The following ESRRG variants were observed in gnomAD, a reference collection of about 807,000 sequenced individuals.
The protein encoded by ESRRG is estrogen-related receptor gamma.
ESRRG carries 13 observed loss-of-function variants against 44.0 expected under a neutral mutation model. The ratio of observed to expected loss-of-function variants is 0.30; its 90% CI spans 0.19 to 0.47. ESRRG has a LOEUF of 0.47. ESRRG is among the 20% of genes least tolerant of loss of function. The pLI, the probability that ESRRG is intolerant of heterozygous loss-of-function variation, is 1.00. For missense variants in ESRRG, 395 were observed against 580.6 expected (o/e 0.68, Z 3.29); for synonymous variants, 215 against 214.6 (o/e 1.00, Z -0.02).
At chr1:216,846,751 C>T (rs1382714065) in intron 2 of ESRRG, among the ~76,000 whole-genome samples, 5 of 152,018 alleles carry the variant, frequency 3.3e-5, no homozygotes, top group Non-Finnish European at 7.4e-5. Context: ...ATTTAGTTAA[C>T]TTAGAGGAAT....
At chr1:216,931,817 C>T (rs1287178627) in intron 2 of ESRRG, among the ~76,000 whole-genome samples, 1 of 113,440 alleles carries the variant, frequency 8.8e-6, no homozygotes, top group Admixed American at 9.7e-5. Context: ...CTAATCAAGA[C>T]AGAAAAATGA....
chr1:216,538,147 T>G lies in ESRRG; in HGVS notation c.863-18726A>C, dbSNP rs566261774. 5.9e-5 allele frequency among the ~76,000 whole-genome samples: 9 copies of G among 152,204 alleles called. No homozygotes were observed. In the South Asian group the frequency reaches 1.0e-3, roughly 18 times the overall value. On this transcript the variant is annotated intron_variant, in intron 5 of 6. Coordinates refer to ENST00000408911, the MANE Select transcript of ESRRG (RefSeq NM_001438.4). ...TACTACTTGGCCCTATTTCTATTAC[T>G]GCATTGTGTCGACACTACTAAAGTC... is the stretch of plus-strand genomic sequence containing the variant.
intron 3 of ESRRG, among the ~76,000 whole-genome samples, chr1:216,597,052 T>TAA (rs1425298664): frequency 6.6e-6 from 1 of 152,146 alleles, no homozygotes; most frequent in Non-Finnish European, 1.5e-5. Flanking sequence ...ATAATAATAA[T>TAA]AACAATAATA....
rs553916295 is a variant in ESRRG, at chr1:216,775,826, A to G, written c.-13-98335T>C. ...GTAATCCGCCTTTCTTGGCCTCCCA[A>G]AGTGCTGGGGTTACAGATGTCAGCT... is the stretch of plus-strand genomic sequence containing the variant. On this transcript the variant is annotated intron_variant, in intron 2 of 7. Coordinates refer to the ESRRG transcript ENST00000359162. Among the ~76,000 whole-genome samples the G allele has an allele frequency of 7.4e-4, 113 of 151,724 alleles. 2 individuals are homozygous for G. The South Asian group carries it at 7.9e-3, about 11-fold the overall frequency.
At chr1:216,898,604 C>A (rs1056545230) in intron 2 of ESRRG, among the ~76,000 whole-genome samples, 6 of 151,976 alleles carry the variant, frequency 3.9e-5, no homozygotes, top group African/African-American at 9.7e-5. Context: ...GGCGACAAAG[C>A]GAGACTCTGT....
At chr1:217,058,549 T>C (rs932143863) in intron 1 of ESRRG, among the ~76,000 whole-genome samples, 1 of 152,158 alleles carries the variant, frequency 6.6e-6, no homozygotes, top group Admixed American at 6.6e-5. Context: ...GACGTCTCTA[T>C]GCTCTGACAA....
At chr1:216,651,915 A>G (rs746126444) in intron 2 of ESRRG, among the ~76,000 whole-genome samples, 2 of 152,068 alleles carry the variant, frequency 1.3e-5, no homozygotes, top group African/African-American at 4.8e-5. Context: ...TTTTTTTTCA[A>G]TTAGTACCAA....
chr1:216,821,683 T>A (rs1158711937), intron 2 of ESRRG, among the ~76,000 whole-genome samples: 2 of 63,752 alleles, frequency 3.1e-5, no homozygotes, highest in Non-Finnish European at 7.1e-5. Context: ...AGAACCTGCC[T>A]CAGGAAAAAT....
intron 1 of ESRRG, among the ~76,000 whole-genome samples, chr1:217,106,147 C>A (rs555186311): frequency 9.5e-4 from 145 of 152,284 alleles, no homozygotes; most frequent in Middle Eastern, 3.4e-3. Flanking sequence ...AGGTTGATGT[C>A]TTTAAATGCA....
intron 1 of ESRRG, among the ~76,000 whole-genome samples, chr1:217,029,852 G>T (rs1180828363): frequency 6.6e-6 from 1 of 152,166 alleles, no homozygotes; most frequent in Non-Finnish European, 1.5e-5. Context: ...AAAAAGAAAG[G>T]AATGGCTAAG....
At chr1:216,967,000 T>A (rs1420833580) in intron 1 of ESRRG, among the ~76,000 whole-genome samples, 1 of 152,156 alleles carries the variant, frequency 6.6e-6, no homozygotes, top group Admixed American at 6.5e-5. Flanking sequence ...CCATTTGAAC[T>A]GGACTACCTG....
chr1:216,841,510 A>G (rs867341925), intron 2 of ESRRG, among the ~76,000 whole-genome samples: 6 of 152,092 alleles, frequency 3.9e-5, no homozygotes, highest in African/African-American at 1.4e-4. Context: ...AACTTCATTT[A>G]GGATGGAACT....
chr1:216,790,723 T>C (rs1173535588), intron 2 of ESRRG, among the ~76,000 whole-genome samples: 1 of 152,304 alleles, frequency 6.6e-6, no homozygotes, highest in East Asian at 1.9e-4. Context: ...GACCAGATTG[T>C]AGGCAGTAAA....
chr1:216,676,515 G>T (rs981101489), intron 2 of ESRRG, among the ~76,000 whole-genome samples: 1 of 152,024 alleles, frequency 6.6e-6, no homozygotes, highest in African/African-American at 2.4e-5. Flanking sequence ...CTTAAAATTG[G>T]TCCCTGGACC....
chr1:216,723,461 C>G (rs1011367794), upstream of ESRRG: 2 of 644,678 alleles, frequency 3.1e-6, no homozygotes, highest in Non-Finnish European at 5.5e-6. Context: ...CTTAAAGCCC[C>G]GATTGGAGCT....
At chr1:216,572,319 A>G (rs528357868) in intron 3 of ESRRG, among the ~76,000 whole-genome samples, 2 of 152,230 alleles carry the variant, frequency 1.3e-5, no homozygotes, top group Non-Finnish European at 2.9e-5. Context: ...GGACAATCAA[A>G]TAAAAACCTA....
chr1:217,042,473 A>AACACACACACAC lies in ESRRG; in HGVS notation c.-106+47022_-106+47033dup, dbSNP rs140559927. 4.0e-3 allele frequency among the ~76,000 whole-genome samples: 562 copies of AACACACACACAC among 139,028 alleles called. 4 individuals carry two copies. Among genetic ancestry groups the AACACACACACAC allele is most frequent in the African/African-American group, 0.013 (485 of 37,736 alleles). The allele number at this position is 139,028 out of a possible 152,430, so 91.2% of individuals were successfully genotyped here. ...AAATGCACACACACATACACACACA[A>AACACACACACAC]ACACACACACACACACACACACACA... On this transcript the variant is annotated intron_variant, in intron 1 of 7. Transcript: ENST00000359162.
chr1:216,596,837 A>T (rs1039646056), intron 3 of ESRRG, among the ~76,000 whole-genome samples: 16 of 152,156 alleles, frequency 1.1e-4, no homozygotes, highest in African/African-American at 3.6e-4. Context: ...TGATCTGGCC[A>T]TGGCATCCTG....
At chr1:216,630,315 T>C (rs964063693) in intron 3 of ESRRG, among the ~76,000 whole-genome samples, 5 of 152,180 alleles carry the variant, frequency 3.3e-5, no homozygotes, top group African/African-American at 9.7e-5. Context: ...TATTTTTCCC[T>C]TCAACACAGA....
Sources: allele counts gnomAD v4.1 joint callset (sites outside exome capture counted in the v4.1 genomes callset), GRCh38; gene constraint gnomAD v4.1.1; transcripts MANE v1.5; gene names NCBI Gene and HGNC (gene_info 2026-07-23, HGNC 2026-07-21).